The following EPB41L3 variants were observed in gnomAD, a reference collection of about 807,000 sequenced individuals.
EPB41L3 encodes erythrocyte membrane protein band 4.1 like 3.
In EPB41L3, 57 loss-of-function variants were observed where a neutral mutation model predicts 127.1. The ratio of observed to expected loss-of-function variants is 0.45; its 90% CI spans 0.36 to 0.56. The LOEUF (loss-of-function observed/expected upper bound fraction) is 0.56, where lower values mean the gene tolerates loss of function less well. EPB41L3 is among the 20% of genes least tolerant of loss of function. The pLI is 0.00. For missense variants in EPB41L3, 1,273 were observed against 1,372.2 expected, an observed-to-expected ratio of 0.93 and a Z score of 1.14; for synonymous variants, 572 against 549.5, an observed-to-expected ratio of 1.04 and a Z score of -0.57.
intron 3 of EPB41L3, among the ~76,000 whole-genome samples, chr18:5,594,021 T>C (rs578258523): frequency 6.6e-6 from 1 of 152,288 alleles, no homozygotes; most frequent in South Asian, 2.1e-4. Context: ...AACGCAATTA[T>C]CACAGGGTCC....
intron 3 of EPB41L3, among the ~76,000 whole-genome samples, chr18:5,573,947 G>A (rs1455209934): frequency 6.9e-6 from 1 of 144,082 alleles, no homozygotes; most frequent in African/African-American, 2.6e-5. Context: ...ATCTGGCTCT[G>A]TTGCCCAGGC....
intron 2 of EPB41L3, among the ~76,000 whole-genome samples, chr18:5,484,110 A>AAAC (rs2089225637): frequency 7.3e-6 from 1 of 136,148 alleles, no homozygotes; most frequent in African/African-American, 3.0e-5. Context: ...AAAAAAAAAA[A>AAAC]AAAAAAAAAA....
At chr18:5,588,494 A>G (rs1286578352) in intron 3 of EPB41L3, among the ~76,000 whole-genome samples, 1 of 151,026 alleles carries the variant, frequency 6.6e-6, no homozygotes. Context: ...ACACATAAAT[A>G]TGTGTATATA....
At position 5,434,088 on chromosome 18, in the gene EPB41L3, G is replaced by A. The variant is rs748696187; in HGVS notation, c.639C>T (p.Ile213=). The part of the protein sequence containing the change: ...YYLCLQLRDD[I]VSGRLPCSFV... The stretch of plus-strand genomic sequence containing the variant: ...AGGAGCAGGGCAGCCTTCCGGACAC[G>A]ATGTCATCTCGCAACTGCAAGCAGA... Residue 213 remains isoleucine, a synonymous_variant, in exon 7 of 23, where the codon ATC becomes ATT. Transcript: ENST00000341928. The A allele has an allele frequency of 2.3e-5, 37 of 1,614,000 alleles. No individual in the cohort carries two copies. Among genetic ancestry groups the A allele is most frequent in the Admixed American group, 6.7e-5 (4 of 59,996 alleles).
intron 1 of EPB41L3, among the ~76,000 whole-genome samples, chr18:5,505,469 C>T (rs555272050): frequency 3.3e-5 from 5 of 151,944 alleles, no homozygotes; most frequent in African/African-American, 9.7e-5. Flanking sequence ...CCTCCCCACA[C>T]CTACATCTCC....
intron 3 of EPB41L3, among the ~76,000 whole-genome samples, chr18:5,453,879 T>G (rs2082636984): frequency 6.6e-6 from 1 of 152,232 alleles, no homozygotes; most frequent in African/African-American, 2.4e-5. Flanking sequence ...TTTGGACGAA[T>G]CTAACAAAAT....
rs73937148 is a variant in EPB41L3, at chr18:5,515,093, C to A, written c.-11-25899G>T. Among the ~76,000 whole-genome samples the A allele has an allele frequency of 5.4e-3, 826 of 152,240 alleles. 12 individuals carry two copies. The highest frequency in any genetic ancestry group is 0.018 in the African/African-American group (731 of 41,544). On this transcript the variant is annotated intron_variant, in intron 1 of 22. Coordinates refer to ENST00000341928, the MANE Select transcript of EPB41L3 (RefSeq NM_012307.5). ...TAAAACCAACATATGCTGGAGAGGACATTTTATTTTTATTCTATATGCACT... is the reference window on the plus strand; with the variant it reads ...TAAAACCAACATATGCTGGAGAGGAAATTTTATTTTTATTCTATATGCACT...
At chr18:5,566,063 G>A (rs1196442950) in intron 3 of EPB41L3, among the ~76,000 whole-genome samples, 2 of 152,162 alleles carry the variant, frequency 1.3e-5, no homozygotes, top group Non-Finnish European at 2.9e-5. Flanking sequence ...ACAAGACAGG[G>A]ATGCCCTCTC....
At chr18:5,406,570 C>T (rs1012321484) in intron 16 of EPB41L3, among the ~76,000 whole-genome samples, 10 of 152,180 alleles carry the variant, frequency 6.6e-5, no homozygotes, top group African/African-American at 2.4e-4. Flanking sequence ...CCCTAAGAAC[C>T]ATCTGATGCT....
chr18:5,420,725 T>C (rs1281630650), intron 11 of EPB41L3, among the ~76,000 whole-genome samples: 1 of 152,240 alleles, frequency 6.6e-6, no homozygotes, highest in Non-Finnish European at 1.5e-5. Context: ...TAAAAGTTGG[T>C]ACTCATTATT....
chr18:5,448,208 T>C lies in EPB41L3; in HGVS notation c.382-2964A>G, dbSNP rs546231360. On this transcript the variant is annotated intron_variant, in intron 3 of 22. Coordinates refer to ENST00000341928, the MANE Select transcript of EPB41L3 (RefSeq NM_012307.5). ...TAATGGATTGAGGCACTCTCTCCCATTGCACCCAGATCGGGCATCAGCATC... is the reference window on the plus strand; with the variant it reads ...TAATGGATTGAGGCACTCTCTCCCACTGCACCCAGATCGGGCATCAGCATC... Among the ~76,000 whole-genome samples the C allele has an allele frequency of 1.1e-4, 16 of 152,282 alleles. No individual in the cohort carries two copies. In the South Asian group the frequency reaches 2.3e-3, roughly 22 times the overall value.
chr18:5,576,740 G>GTTAA (rs2094339948), intron 3 of EPB41L3, among the ~76,000 whole-genome samples: 1 of 152,156 alleles, frequency 6.6e-6, no homozygotes, highest in Non-Finnish European at 1.5e-5. Context: ...ATGAAGTTGC[G>GTTAA]TGGCCAGTTG....
At chr18:5,610,585 G>A (rs577447960) in intron 3 of EPB41L3, among the ~76,000 whole-genome samples, 42 of 152,226 alleles carry the variant, frequency 2.8e-4, no homozygotes, top group African/African-American at 8.4e-4. Context: ...GGGATGGGGG[G>A]ACTTCTGCAA....
At chr18:5,593,780 G>A (rs558493686) in intron 3 of EPB41L3, among the ~76,000 whole-genome samples, 1 of 152,116 alleles carries the variant, frequency 6.6e-6, no homozygotes, top group African/African-American at 2.4e-5. Flanking sequence ...CACCTTCAGG[G>A]GCGCATTCTC....
intron 3 of EPB41L3, among the ~76,000 whole-genome samples, chr18:5,591,238 C>T (rs2094483210): frequency 1.3e-5 from 2 of 152,182 alleles, no homozygotes; most frequent in African/African-American, 4.8e-5. Flanking sequence ...AGAAATGTCT[C>T]AGTCTGTTTG....
intron 6 of EPB41L3, among the ~76,000 whole-genome samples, chr18:5,435,806 A>G (rs2079688776): frequency 6.6e-6 from 1 of 152,226 alleles, no homozygotes; most frequent in South Asian, 2.1e-4. Flanking sequence ...TAGCTATGTC[A>G]TTATAAACTT....
At chr18:5,541,040 G>C (rs759041682) in intron 1 of EPB41L3, among the ~76,000 whole-genome samples, 100 of 136,492 alleles carry the variant, frequency 7.3e-4, no homozygotes, top group South Asian at 4.2e-3. Context: ...AGCCGAGATC[G>C]CACCACTGCA....
At chr18:5,503,871 A>G (rs1395329589) in intron 1 of EPB41L3, among the ~76,000 whole-genome samples, 1 of 152,078 alleles carries the variant, frequency 6.6e-6, no homozygotes, top group Non-Finnish European at 1.5e-5. Flanking sequence ...AAGATGCACT[A>G]CTCATTTCAA....
At chr18:5,453,908 T>C (rs148929303) in intron 3 of EPB41L3, among the ~76,000 whole-genome samples, 1 of 152,316 alleles carries the variant, frequency 6.6e-6, no homozygotes, top group East Asian at 1.9e-4. Flanking sequence ...TTTCCCCCCA[T>C]GCTTCCTGCC....
Sources: allele counts gnomAD v4.1 joint callset (sites outside exome capture counted in the v4.1 genomes callset), GRCh38; gene constraint gnomAD v4.1.1; transcripts MANE v1.5; gene names NCBI Gene and HGNC (gene_info 2026-07-23, HGNC 2026-07-21).